The following SNX31 variants were observed in gnomAD, a reference collection of about 807,000 sequenced individuals.
SNX31 encodes the protein sorting nexin 31, also known as sorting nexin-31.
SNX31 carries 58 observed loss-of-function variants against 65.4 expected under a neutral mutation model. That is an observed-to-expected ratio of 0.89 (90% CI 0.72 to 1.10). The LOEUF (loss-of-function observed/expected upper bound fraction) is 1.10. SNX31 is among the 50% of genes least tolerant of loss of function. The pLI is 0.00. For missense variants in SNX31, 523 were observed against 529.7 expected, an observed-to-expected ratio of 0.99 and a Z score of 0.12; for synonymous variants, 181 against 190.1, an observed-to-expected ratio of 0.95 and a Z score of 0.39.
chr8:100,614,405 C>A lies in SNX31; in HGVS notation c.433-1320G>T, dbSNP rs995404976. Among the ~76,000 whole-genome samples the A allele has an allele frequency of 2.6e-5, 4 of 152,220 alleles. No individual in the cohort carries two copies. The highest frequency in any genetic ancestry group is 4.4e-5 in the Non-Finnish European group (3 of 68,040). ...TGGGGGCAAAAGGAGAATGAAGAAG[C>A]CTTTCGCATTCATAAAGACATAAAT... On this transcript the variant is annotated intron_variant, in intron 5 of 13. Coordinates refer to ENST00000311812, the MANE Select transcript of SNX31 (RefSeq NM_152628.4). This position sits in a 1 kb window ranked among gnomAD's most constrained non-coding sequence, Gnocchi z 5.1.
Position 100,594,608 on chromosome 8 carries a change from T to C in SNX31, c.978+2031A>G, listed in dbSNP as rs1419519074. On this transcript the variant is annotated intron_variant, in intron 10 of 13. Transcript: ENST00000311812. The surrounding 1 kb of genome is among the most constrained non-coding windows in gnomAD (Gnocchi z 4.0). Reference sequence around the variant, plus strand: ...TCACAATGAAATATCTTTACACATATATTAGAATGACTACAATAAAAAAAA... The same window carrying C: ...TCACAATGAAATATCTTTACACATACATTAGAATGACTACAATAAAAAAAA... 2.0e-5 allele frequency among the ~76,000 whole-genome samples: 3 copies of C among 152,218 alleles called. No individual in the cohort carries two copies. The highest frequency in any genetic ancestry group is 1.5e-5 in the Non-Finnish European group (1 of 68,034).
chr8:100,657,753 G>C (rs1416342275), intron 1 of SNX31: 1 of 455,254 alleles, frequency 2.2e-6, no homozygotes, highest in East Asian at 7.0e-5. Flanking sequence ...GAAGAATGAA[G>C]TGGACTACTT....
Position 100,649,519 on chromosome 8 carries a change from G to A in SNX31, c.-5C>T. The A allele has an allele frequency of 2.6e-6, 4 of 1,565,314 alleles. No homozygotes were observed. Among genetic ancestry groups the A allele is most frequent in the Non-Finnish European group, 3.5e-6 (4 of 1,155,460 alleles). ...GATACAGAAATGCATCTTCATGGCT[G>A]AGCGGTGTCTTGGGAGTAGCGCTGG... On this transcript the variant is annotated 5_prime_UTR_variant, in exon 1 of 14. Transcript: ENST00000311812.
At chr8:100,582,822 A>AG (rs1388349575) in intron 12 of SNX31, among the ~76,000 whole-genome samples, 1 of 151,514 alleles carries the variant, frequency 6.6e-6, no homozygotes, top group Non-Finnish European at 1.5e-5. Flanking sequence ...CTAAAAAAAA[A>AG]AATACAAAAA....
intron 13 of SNX31, among the ~76,000 whole-genome samples, chr8:100,574,242 T>C (rs1487919346): frequency 6.6e-6 from 1 of 152,210 alleles, no homozygotes; most frequent in Non-Finnish European, 1.5e-5. Context: ...TAACTCTACC[T>C]GTCTTGCCTC....
At position 100,580,616 on chromosome 8, in the gene SNX31, A is replaced by G. The variant is rs1230861618; in HGVS notation, c.1170+3495T>C. Among the ~76,000 whole-genome samples, 6 of 152,200 alleles carry G rather than the reference A, an allele frequency of 3.9e-5. No individual in the cohort carries two copies. The East Asian group carries it at 1.2e-3, about 29-fold the overall frequency. On this transcript the variant is annotated intron_variant, in intron 12 of 13. Transcript: ENST00000311812. ...CATATTTTCCTCATACTTGCTGCCT[A>G]GAATGTGGATGTAATGATTGGTGTT...
At position 100,573,688 on chromosome 8, in the gene SNX31, A is replaced by G. The variant is rs576354840; in HGVS notation, c.*177T>C. ...GGTTCTTTTTTTTTTTCTAATCTTG[A>G]GATTTCCATAGAGTGCTGTGGTATA... On this transcript the variant is annotated 3_prime_UTR_variant, in exon 14 of 14. Transcript: ENST00000311812. The G allele has an allele frequency of 5.2e-6, 2 of 383,622 alleles. No homozygotes were observed. Among genetic ancestry groups the G allele is most frequent in the Non-Finnish European group, 9.3e-6 (2 of 215,832 alleles). The allele number at this position is 383,622 out of a possible 1,614,324, so 23.8% of individuals were successfully genotyped here.
intron 1 of SNX31, among the ~76,000 whole-genome samples, chr8:100,657,124 C>G (rs1563594640): frequency 6.6e-6 from 1 of 151,884 alleles, no homozygotes; most frequent in East Asian, 1.9e-4. Context: ...GGGAAAGTGA[C>G]ACAAGACTTG....
intron 4 of SNX31, among the ~76,000 whole-genome samples, chr8:100,627,253 G>T (rs866962390): frequency 5.3e-5 from 8 of 152,180 alleles, no homozygotes; most frequent in Non-Finnish European, 7.4e-5. Context: ...TTGGGAGGCT[G>T]AGGCAATAGA....
At chr8:100,593,151 A>G (rs1422622527) in intron 10 of SNX31, among the ~76,000 whole-genome samples, 1 of 152,182 alleles carries the variant, frequency 6.6e-6, no homozygotes, top group Non-Finnish European at 1.5e-5. Context: ...ATACCATTGA[A>G]TCGTATACTT....
chr8:100,617,477 T>C (rs1817312062), intron 5 of SNX31, 143 bp downstream of exon 5: 7 of 547,108 alleles, frequency 1.3e-5, no homozygotes, highest in Non-Finnish European at 2.2e-5. Context: ...TCCCAGCAAA[T>C]GCCAGTACCT....
At position 100,617,659 on chromosome 8, in the gene SNX31, G is replaced by A. The variant is rs750372009; in HGVS notation, c.393C>T (p.Ile131=). 15 of 1,613,050 alleles carry A rather than the reference G, an allele frequency of 9.3e-6. No individual in the cohort carries two copies. The highest frequency in any genetic ancestry group is 5.4e-5 in the African/African-American group (4 of 74,726). Residue 131 remains isoleucine, a synonymous_variant, in exon 5 of 14, where the codon ATC becomes ATT. Coordinates refer to ENST00000311812, the MANE Select transcript of SNX31 (RefSeq NM_152628.4). ...IFLPNEQSIR[I]EIITSDTAER... ...CAGCAGTGTCTGATGTTATAATTTC[G>A]ATTCTAATACTCTGTTCATTGGGCA...
intron 10 of SNX31, among the ~76,000 whole-genome samples, chr8:100,591,205 C>T (rs1814540821): frequency 2.0e-5 from 3 of 152,130 alleles, no homozygotes; most frequent in Non-Finnish European, 4.4e-5. Context: ...CAGGAGCTCA[C>T]AAACAAGGAT....
At chr8:100,637,879 A>G (rs1002270552) in intron 2 of SNX31, among the ~76,000 whole-genome samples, 2 of 152,112 alleles carry the variant, frequency 1.3e-5, no homozygotes, top group African/African-American at 4.8e-5. Flanking sequence ...TATTTTTAGT[A>G]GAGACGGGGT....
At position 100,607,004 on chromosome 8, in the gene SNX31, A is replaced by G. The variant is rs116529513; in HGVS notation, c.681+1490T>C. ...AATAAATACCCACTTTCATGGAGAA[A>G]TCATTCCAGTAGGGAGAGAGTAAAC... On this transcript the variant is annotated intron_variant, in intron 8 of 13. Transcript: ENST00000311812. Among the ~76,000 whole-genome samples, 856 of 152,342 alleles carry G rather than the reference A, an allele frequency of 5.6e-3. 11 individuals are homozygous for G. Among genetic ancestry groups the G allele is most frequent in the African/African-American group, 0.019 (810 of 41,572 alleles).
rs1563502278 is a variant in SNX31, at chr8:100,573,907, T to C, written c.1281A>G (p.Lys427=). 1 of 1,589,484 alleles carries C rather than the reference T, an allele frequency of 6.3e-7. No homozygotes were observed. Among genetic ancestry groups the C allele is most frequent in the Non-Finnish European group, 8.5e-7 (1 of 1,169,650 alleles). Reference sequence around the variant, plus strand: ...TTATGTTCCCAAAAACGCAGTCATCTTTAGCTATCTTAATCTTGCTTTTTC... The same window carrying C: ...TTATGTTCCCAAAAACGCAGTCATCCTTAGCTATCTTAATCTTGCTTTTTC... The part of the protein sequence containing the change: ...LSRKSKIKIA[K]DDCVFGNIKE... Residue 427 remains lysine (K), a synonymous_variant, in exon 14 of 14, where the codon AAA becomes AAG. Coordinates refer to ENST00000311812, the MANE Select transcript of SNX31 (RefSeq NM_152628.4).
At chr8:100,600,261 G>C (rs1326454443) in intron 9 of SNX31, 88 bp downstream of exon 9, 8 of 1,098,528 alleles carry the variant, frequency 7.3e-6, no homozygotes, top group Non-Finnish European at 9.6e-6. Flanking sequence ...GTGCTTGGTA[G>C]GTTTATCAGT....
intron 12 of SNX31, among the ~76,000 whole-genome samples, chr8:100,581,325 C>CTA (rs1401988460): frequency 0.047 from 6,036 of 129,138 alleles, 227 homozygotes; most frequent in African/African-American, 0.085. Context: ...ATATCTATAT[C>CTA]TATCTATCTA....
chr8:100,579,249 C>A (rs1418169079), intron 12 of SNX31, among the ~76,000 whole-genome samples: 1 of 152,100 alleles, frequency 6.6e-6, no homozygotes, highest in Non-Finnish European at 1.5e-5. Flanking sequence ...TAAAATCGAA[C>A]CACTACAAAT....
Sources: gnomAD v4.1 joint callset for allele counts (sites outside exome capture counted in the v4.1 genomes callset) on GRCh38, gnomAD v4.1.1 for gene constraint, Gnocchi (gnomAD v3.1) non-coding constraint, MANE v1.5 for transcripts, NCBI Gene and HGNC (gene_info 2026-07-23, HGNC 2026-07-21) for gene names.